ZNF577: variants seen among roughly 807,000 people sequenced by gnomAD.
ZNF577 encodes zinc finger protein 577.
In ZNF577, 14 loss-of-function variants were observed where a neutral mutation model predicts 13.9. The ratio of observed to expected loss-of-function variants is 1.00; its 90% CI spans 0.66 to 1.57. The LOEUF (loss-of-function observed/expected upper bound fraction) is 1.57, where lower values mean the gene tolerates loss of function less well. Among genes scored for constraint, ZNF577 ranks in the 40% most tolerant of loss-of-function variants. The pLI, the probability that ZNF577 is intolerant of heterozygous loss-of-function variation, is 0.00. For synonymous variants in ZNF577, 203 were observed against 202.9 expected (o/e 1.00, Z 0.00); for missense variants, 555 against 579.2 (o/e 0.96, Z 0.43).
chr19:51,805,444 T>C (rs2084051905), intron 10 of ZNF577, among the ~76,000 whole-genome samples: 1 of 152,210 alleles, frequency 6.6e-6, no homozygotes, highest in African/African-American at 2.4e-5. Flanking sequence ...TGTAATTCAC[T>C]AATATCAAAG....
At chr19:51,817,307 C>A (rs1246191431) in intron 9 of ZNF577, among the ~76,000 whole-genome samples, 1 of 151,922 alleles carries the variant, frequency 6.6e-6, no homozygotes, top group African/African-American at 2.4e-5. Flanking sequence ...ACAAACAAAA[C>A]CAAAATAGAG....
intron 5 of ZNF577, among the ~76,000 whole-genome samples, chr19:51,851,388 GA>G (rs1410852909): frequency 1.3e-5 from 2 of 151,926 alleles, no homozygotes; most frequent in Non-Finnish European, 2.9e-5. Flanking sequence ...AGCTCAGTAG[GA>G]AAAAAAGTAC....
In ZNF577 at chr19:51,871,236, C is replaced by G. The variant is rs2084654917; in HGVS notation, c.*1296G>C. ...CAAGCAATCATCTTGCCTCAGCCTC[C>G]CAAGTAGCTGGGACTATAGGCACAC... On this transcript the variant is annotated 3_prime_UTR_variant, in exon 6 of 6. Coordinates refer to ENST00000638348, the MANE Select transcript of ZNF577 (RefSeq NM_001370449.1). The G allele has an allele frequency of 6.6e-6, 1 of 152,094 alleles. No homozygotes were observed. Among genetic ancestry groups the G allele is most frequent in the African/African-American group, 2.4e-5 (1 of 41,402 alleles). 9.4% of individuals were successfully genotyped at this position (152,094 alleles called of 1,614,324 possible).
At chr19:51,860,975 T>C (rs1489426035) in intron 5 of ZNF577, 2 of 428,490 alleles carry the variant, frequency 4.7e-6, no homozygotes, top group East Asian at 8.2e-5. Context: ...CCTGAATGAA[T>C]ACCCTAATGT....
chr19:51,882,599 T>A (rs2084879219), intron 1 of ZNF577, among the ~76,000 whole-genome samples: 1 of 151,634 alleles, frequency 6.6e-6, no homozygotes, highest in Non-Finnish European at 1.5e-5. Context: ...CTGGGCAACA[T>A]ACCAAGACCT....
chr19:51,877,210 C>T (rs1368278638), intron 5 of ZNF577, 72 bp downstream of exon 5: 2 of 1,337,756 alleles, frequency 1.5e-6, no homozygotes, highest in Non-Finnish European at 2.1e-6. Flanking sequence ...ACTTTAAAAG[C>T]ATCAACCCTT....
At chr19:51,807,050 C>T (rs1017254761) in intron 10 of ZNF577, among the ~76,000 whole-genome samples, 10 of 152,244 alleles carry the variant, frequency 6.6e-5, no homozygotes, top group Middle Eastern at 3.4e-3. Flanking sequence ...TAGCCTGCCA[C>T]GATCCCTGAT....
At position 51,841,701 on chromosome 19, in the gene ZNF577, C is replaced by G. The variant is rs913374420; in HGVS notation, c.*374+1120G>C. 3.3e-5 allele frequency among the ~76,000 whole-genome samples: 5 copies of G among 152,178 alleles called. No individual in the cohort carries two copies. The South Asian group carries it at 8.3e-4, about 25-fold the overall frequency. On this transcript the variant is annotated intron_variant and NMD_transcript_variant, in intron 8 of 10. Coordinates refer to the ZNF577 transcript ENST00000638827. ...TGGGGGGCCAAGGCGGGTGGATCAC[C>G]TGGGGTCAGGAGTTTGAGGCCAGGC...
At chr19:51,882,148 G>A (rs1325818185) in intron 1 of ZNF577, among the ~76,000 whole-genome samples, 1 of 152,128 alleles carries the variant, frequency 6.6e-6, no homozygotes, top group African/African-American at 2.4e-5. Context: ...AAATCCATAT[G>A]GATAGCTAAG....
chr19:51,831,024 ATCT>A (rs1296094244), intron 9 of ZNF577, among the ~76,000 whole-genome samples: 2 of 152,206 alleles, frequency 1.3e-5, no homozygotes, highest in African/African-American at 4.8e-5. Context: ...TGCTTGACAA[ATCT>A]TCTACATTTC....
intron 5 of ZNF577, among the ~76,000 whole-genome samples, chr19:51,855,114 A>AT (rs1338281355): frequency 6.6e-6 from 1 of 152,046 alleles, no homozygotes; most frequent in Non-Finnish European, 1.5e-5. Flanking sequence ...TACTTTTCTG[A>AT]TTGTGTGTCA....
At chr19:51,819,304 G>A (rs1013758639) in intron 9 of ZNF577, among the ~76,000 whole-genome samples, 5 of 152,190 alleles carry the variant, frequency 3.3e-5, no homozygotes, top group Non-Finnish European at 7.4e-5. Context: ...GGGGAGGCCA[G>A]TGCTAATAAT....
intron 4 of ZNF577, 122 bp downstream of exon 4, chr19:51,878,267 A>T: frequency 9.1e-7 from 1 of 1,094,446 alleles, no homozygotes; most frequent in Non-Finnish European, 1.3e-6. Context: ...TATATATTTT[A>T]CCACCACAAC....
chr19:51,824,095 T>C lies in ZNF577; in HGVS notation c.*600-12421A>G. On this transcript the variant is annotated intron_variant and NMD_transcript_variant, in intron 9 of 10. Transcript: ENST00000638827. The surrounding 1 kb of genome is among the most constrained non-coding windows in gnomAD (Gnocchi z 4.7). ...AACCTGTTTGTCAGTGTCTACCTGA[T>C]CACCATCATTGCTCTGGACCGCTGT... 1.2e-6 allele frequency: 2 copies of C among 1,614,110 alleles called. No individual in the cohort carries two copies. The highest frequency in any genetic ancestry group is 1.7e-6 in the Non-Finnish European group (2 of 1,179,974).
chr19:51,883,477 C>T lies in ZNF577; in HGVS notation c.-218-2600G>A, dbSNP rs535003287. 1.7e-4 allele frequency among the ~76,000 whole-genome samples: 26 copies of T among 152,024 alleles called. 1 individual carries two copies. In the South Asian group the frequency reaches 5.4e-3, roughly 32 times the overall value. The stretch of plus-strand genomic sequence containing the variant: ...CTACCTACCCAACTCCCAGTTTTTC[C>T]TTTTAATTAAGTGAGTAGTTCAACT... On this transcript the variant is annotated intron_variant, in intron 1 of 5. Coordinates refer to ENST00000638348, the MANE Select transcript of ZNF577 (RefSeq NM_001370449.1).
At chr19:51,879,982 T>C (rs1282236847) in intron 3 of ZNF577, among the ~76,000 whole-genome samples, 1 of 152,220 alleles carries the variant, frequency 6.6e-6, no homozygotes, top group African/African-American at 2.4e-5. Flanking sequence ...TGTCTCCTGC[T>C]GTCTCAATAA....
At chr19:51,883,782 A>G (rs149914768) in intron 1 of ZNF577, among the ~76,000 whole-genome samples, 12 of 152,302 alleles carry the variant, frequency 7.9e-5, no homozygotes, top group African/African-American at 2.9e-4. Flanking sequence ...TCAATGAACT[A>G]AAGAAATAGG....
At chr19:51,823,092 A>G (rs1204661795) in intron 9 of ZNF577, among the ~76,000 whole-genome samples, 1 of 152,052 alleles carries the variant, frequency 6.6e-6, no homozygotes, top group African/African-American at 2.4e-5. Context: ...CCAACTCCTG[A>G]TCTCAAGTGA....
chr19:51,873,234 G>C lies in ZNF577; in HGVS notation c.756C>G (p.Ser252Arg). Reference protein sequence around the residue: ...YRCSKCGKAFSRKCRLNRHQR... With the variant: ...YRCSKCGKAFRRKCRLNRHQR... ...GATGTCTATTGAGCCGGCACTTCCGGCTGAAGGCTTTTCCGCATTTGCTGC... is the reference window on the plus strand; with the variant it reads ...GATGTCTATTGAGCCGGCACTTCCGCCTGAAGGCTTTTCCGCATTTGCTGC... The change falls in exon 6 of 6, where the codon AGC becomes AGG. Residue 252 changes from serine to arginine, a missense_variant. Physicochemically the swap from Ser to Arg is moderately radical, Grantham distance 110. Coordinates refer to ENST00000638348, the MANE Select transcript of ZNF577 (RefSeq NM_001370449.1). The C allele has an allele frequency of 6.2e-7, 1 of 1,613,872 alleles. No individual in the cohort carries two copies. Among genetic ancestry groups the C allele is most frequent in the South Asian group, 1.1e-5 (1 of 91,070 alleles).
Sources: allele counts gnomAD v4.1 joint callset (sites outside exome capture counted in the v4.1 genomes callset), GRCh38; gene constraint gnomAD v4.1.1; non-coding constraint Gnocchi (gnomAD v3.1); transcripts MANE v1.5; gene names NCBI Gene and HGNC (gene_info 2026-07-23, HGNC 2026-07-21).